The following WDR49 variants were observed in gnomAD, a reference collection of about 807,000 sequenced individuals.
WDR49 encodes the protein cilia- and flagella-associated protein 337.
Under a neutral mutation model 119.5 loss-of-function variants are expected in WDR49, and 107 were observed. The observed-to-expected ratio is 0.90, with a 90% confidence interval of 0.77 to 1.05. The LOEUF is 1.05. WDR49 is among the 50% of genes least tolerant of loss of function. WDR49 has a pLI of 0.00. For missense variants in WDR49, 1,240 were observed against 1,220.5 expected (o/e 1.02, Z -0.24); for synonymous variants, 425 against 418.8 (o/e 1.01, Z -0.18).
At chr3:167,486,745 C>G (rs1007278794) in intron 18 of WDR49, among the ~76,000 whole-genome samples, 8 of 151,978 alleles carry the variant, frequency 5.3e-5, no homozygotes, top group African/African-American at 1.7e-4. Flanking sequence ...AGTTCTTGGC[C>G]TATGAAAAAA....
intron 13 of WDR49, among the ~76,000 whole-genome samples, chr3:167,530,556 T>A (rs968725682): frequency 3.3e-5 from 5 of 151,684 alleles, no homozygotes; most frequent in African/African-American, 9.7e-5. Context: ...CTGGAGAAGA[T>A]ATAACCAATA....
intron 7 of WDR49, among the ~76,000 whole-genome samples, chr3:167,591,735 G>T (rs1198547161): frequency 6.6e-6 from 1 of 151,866 alleles, no homozygotes. Context: ...TTCCATTCTG[G>T]CATGGAATAT....
At chr3:167,544,101 C>A (rs1383339689) in intron 10 of WDR49, among the ~76,000 whole-genome samples, 1 of 149,926 alleles carries the variant, frequency 6.7e-6, no homozygotes, top group Admixed American at 6.6e-5. Flanking sequence ...TAGGAATATA[C>A]CTGACCAAGG....
At chr3:167,641,354 C>T (rs899977854) in intron 2 of WDR49, among the ~76,000 whole-genome samples, 2 of 151,898 alleles carry the variant, frequency 1.3e-5, no homozygotes, top group Admixed American at 1.3e-4. Flanking sequence ...TTCTCAGTAT[C>T]TCTTGTAAGT....
upstream of WDR49, chr3:167,654,048 C>G (rs535731887): frequency 6.6e-6 from 1 of 152,268 alleles, no homozygotes; most frequent in East Asian, 1.9e-4. Flanking sequence ...TTCACTTCCC[C>G]CTCTCCAACT....
At chr3:167,620,130 G>C (rs1330559810) in intron 5 of WDR49, among the ~76,000 whole-genome samples, 1 of 152,060 alleles carries the variant, frequency 6.6e-6, no homozygotes, top group Admixed American at 6.6e-5. Context: ...GATTAGCTAG[G>C]CTCAGAGTTG....
intron 17 of WDR49, among the ~76,000 whole-genome samples, chr3:167,504,414 C>A (rs1403651252): frequency 6.6e-6 from 1 of 152,224 alleles, no homozygotes; most frequent in African/African-American, 2.4e-5. Flanking sequence ...TAATGACTGC[C>A]TTGCTGAATT....
intron 6 of WDR49, among the ~76,000 whole-genome samples, chr3:167,602,538 T>C (rs1298690598): frequency 3.9e-5 from 6 of 152,018 alleles, no homozygotes; most frequent in East Asian, 1.9e-4. Context: ...AGAAAACATA[T>C]AGTCCCATTT....
chr3:167,523,679 G>A (rs1752534130), intron 15 of WDR49, among the ~76,000 whole-genome samples: 1 of 152,032 alleles, frequency 6.6e-6, no homozygotes, highest in African/African-American at 2.4e-5. Context: ...AGTTTGCTGA[G>A]GATGATGGTT....
At chr3:167,575,627 A>G (rs1714207326) in intron 8 of WDR49, among the ~76,000 whole-genome samples, 1 of 152,252 alleles carries the variant, frequency 6.6e-6, no homozygotes, top group South Asian at 2.1e-4. Context: ...CAAGACTAGC[A>G]GATAACAAAG....
At chr3:167,554,573 G>A in intron 10 of WDR49, 77 bp downstream of exon 10, 2 of 893,642 alleles carry the variant, frequency 2.2e-6, no homozygotes, top group Non-Finnish European at 3.3e-6. Context: ...AAGTTTTAAT[G>A]ACACAGAGTC....
chr3:167,590,571 G>A (rs1715057746), intron 7 of WDR49, among the ~76,000 whole-genome samples: 1 of 151,904 alleles, frequency 6.6e-6, no homozygotes, highest in Non-Finnish European at 1.5e-5. Flanking sequence ...TATGGCTTCA[G>A]TCTCATTACT....
At chr3:167,501,920 G>A (rs1286474641) in intron 17 of WDR49, among the ~76,000 whole-genome samples, 6 of 152,054 alleles carry the variant, frequency 3.9e-5, no homozygotes, top group Admixed American at 6.6e-5. Context: ...ACTGTATCAG[G>A]TACTTCACAC....
At chr3:167,537,361 G>C (rs1711524263) in intron 10 of WDR49, among the ~76,000 whole-genome samples, 1 of 152,068 alleles carries the variant, frequency 6.6e-6, no homozygotes, top group South Asian at 2.1e-4. Flanking sequence ...AATTAAAAGA[G>C]GGGGCAGGCC....
chr3:167,527,001 T>C (rs1752659856), intron 15 of WDR49, among the ~76,000 whole-genome samples: 1 of 152,084 alleles, frequency 6.6e-6, no homozygotes, highest in Non-Finnish European at 1.5e-5. Flanking sequence ...ACAGGAAAAG[T>C]TCCCAAGAAA....
chr3:167,524,976 A>T (rs535845181), intron 15 of WDR49, among the ~76,000 whole-genome samples: 2 of 152,288 alleles, frequency 1.3e-5, no homozygotes, highest in African/African-American at 4.8e-5. Context: ...AATAGCATTG[A>T]ATCTATAAAT....
chr3:167,528,492 C>A (rs1042919600), intron 14 of WDR49, among the ~76,000 whole-genome samples: 1 of 150,466 alleles, frequency 6.6e-6, no homozygotes, highest in African/African-American at 2.5e-5. Context: ...TCACCCCAGG[C>A]AACCTAGTGA....
At position 167,623,238 on chromosome 3, in the gene WDR49, A is replaced by T. The variant is rs144649708; in HGVS notation, c.607-1595T>A. Among the ~76,000 whole-genome samples, 681 of 152,220 alleles carry T rather than the reference A, an allele frequency of 4.5e-3. 3 individuals carry two copies. Among genetic ancestry groups the T allele is most frequent in the South Asian group, 0.024 (116 of 4,834 alleles). On this transcript the variant is annotated intron_variant, in intron 3 of 18. Transcript: ENST00000682715. The stretch of plus-strand genomic sequence containing the variant: ...CCAGACAAAGACATCACAAGAAAAG[A>T]AAACTGCAGATCTATACATCTTACG...
chr3:167,518,645 G>T (rs1395021750), intron 16 of WDR49, among the ~76,000 whole-genome samples: 1 of 151,652 alleles, frequency 6.6e-6, no homozygotes, highest in African/African-American at 2.4e-5. Context: ...CCCTTTGTCA[G>T]ATGAGTAGGT....
Sources: allele counts gnomAD v4.1 joint callset (sites outside exome capture counted in the v4.1 genomes callset), GRCh38; gene constraint gnomAD v4.1.1; transcripts MANE v1.5; gene names NCBI Gene and HGNC (gene_info 2026-07-23, HGNC 2026-07-21).